The following CELF2 variants were observed in gnomAD, a reference collection of about 807,000 sequenced individuals.
CELF2 encodes the protein CUG triplet repeat RNA-binding protein 2.
A neutral mutation model predicts 62.6 loss-of-function variants in CELF2; 8 were observed. The observed-to-expected ratio is 0.13, with a 90% CI of 0.07 to 0.23. The LOEUF (loss-of-function observed/expected upper bound fraction) is 0.23. Among genes scored for constraint, CELF2 ranks in the 10% least tolerant of loss-of-function variants. CELF2 has a pLI of 1.00. For synonymous variants in CELF2, 258 were observed against 250.0 expected (o/e 1.03, Z -0.30); for missense variants, 333 against 671.0 (o/e 0.50, Z 5.56).
chr10:11,245,047 TC>T (rs924992883), intron 3 of CELF2, among the ~76,000 whole-genome samples: 3 of 152,250 alleles, frequency 2.0e-5, no homozygotes, highest in Non-Finnish European at 4.4e-5. Flanking sequence ...ATCCTCCTCT[TC>T]CCAGCATCTA....
rs56373613 is a variant in CELF2, at chr10:11,202,901, ATCTCTC to A, written c.272-14478_272-14473del. 9.6e-3 allele frequency among the ~76,000 whole-genome samples: 682 copies of A among 70,866 alleles called. 12 individuals are homozygous for A. The highest frequency in any genetic ancestry group is 0.072 in the East Asian group (128 of 1,776). The allele number at this position is 70,866 out of a possible 152,430, so 46.5% of individuals were successfully genotyped here. ...TGCCTGCCTTCCCACCCCCATCCTCATCTCTCTCTCTCTCTCTCTCTCTCTCTCTCT... is the reference window on the plus strand; with the variant it reads ...TGCCTGCCTTCCCACCCCCATCCTCATCTCTCTCTCTCTCTCTCTCTCTCT... On this transcript the variant is annotated intron_variant, in intron 2 of 12. Transcript: ENST00000633077.
intron 2 of CELF2, among the ~76,000 whole-genome samples, chr10:10,980,140 C>T (rs536057785): frequency 7.2e-5 from 11 of 152,266 alleles, no homozygotes; most frequent in African/African-American, 2.2e-4. Flanking sequence ...GAAAAATTGC[C>T]AGAGCTTTAA....
At chr10:11,128,199 G>T (rs1164656113) in intron 1 of CELF2, among the ~76,000 whole-genome samples, 1 of 152,082 alleles carries the variant, frequency 6.6e-6, no homozygotes, top group Non-Finnish European at 1.5e-5. Context: ...GTAGATGTGT[G>T]GTGTGATTTC....
the CELF2 span, among the ~76,000 whole-genome samples, chr10:10,649,583 C>T: frequency 2.0e-5 from 3 of 152,194 alleles, no homozygotes; most frequent in Non-Finnish European, 2.9e-5. Context: ...TAGACAACAG[C>T]TTAAATTCAC....
chr10:11,213,618 GTGAT>G (rs1264802872), intron 2 of CELF2, among the ~76,000 whole-genome samples: 2 of 152,204 alleles, frequency 1.3e-5, no homozygotes, highest in African/African-American at 4.8e-5. Context: ...AGCATATTAA[GTGAT>G]AGGTGGATAA....
At chr10:10,660,891 A>C in the CELF2 span, among the ~76,000 whole-genome samples, 4 of 152,216 alleles carry the variant, frequency 2.6e-5, no homozygotes, top group East Asian at 5.8e-4. Context: ...CTACAGAACG[A>C]ACACACAGGG....
At chr10:10,690,637 T>C in the CELF2 span, among the ~76,000 whole-genome samples, 1 of 152,140 alleles carries the variant, frequency 6.6e-6, no homozygotes, top group Non-Finnish European at 1.5e-5. Context: ...CTCAGCACTT[T>C]GGGAGGCTGA....
At chr10:11,182,580 G>T (rs1183095059) in intron 2 of CELF2, among the ~76,000 whole-genome samples, 1 of 152,028 alleles carries the variant, frequency 6.6e-6, no homozygotes, top group Non-Finnish European at 1.5e-5. Flanking sequence ...TTATTTTTGG[G>T]GATCAGAGAA....
the CELF2 span, among the ~76,000 whole-genome samples, chr10:10,575,645 C>G: frequency 6.6e-6 from 1 of 152,194 alleles, no homozygotes; most frequent in Admixed American, 6.5e-5. Flanking sequence ...GAATTGAAAG[C>G]TTAGCTTCCC....
chr10:11,051,370 A>G (rs189378156), intron 1 of CELF2, among the ~76,000 whole-genome samples: 1 of 152,224 alleles, frequency 6.6e-6, no homozygotes, highest in East Asian at 1.9e-4. Context: ...TTGATTATCC[A>G]CCTATGTATT....
intron 2 of CELF2, chr10:10,946,136 A>G (rs1224814695): frequency 6.6e-6 from 1 of 152,654 alleles, no homozygotes; most frequent in East Asian, 1.9e-4. Flanking sequence ...CTCTGCTGAA[A>G]ATGATGCCAT....
chr10:10,701,551 G>A, the CELF2 span, among the ~76,000 whole-genome samples: 5 of 152,142 alleles, frequency 3.3e-5, no homozygotes, highest in African/African-American at 9.7e-5. Context: ...CCAAATACCC[G>A]GGGCTCCAGG....
At chr10:10,624,267 C>A in the CELF2 span, among the ~76,000 whole-genome samples, 1 of 152,202 alleles carries the variant, frequency 6.6e-6, no homozygotes, top group East Asian at 1.9e-4. Context: ...TGCCAGAAAT[C>A]TGGTCTGTAT....
chr10:10,948,418 G>C (rs1458013679), intron 2 of CELF2: 1 of 152,158 alleles, frequency 6.6e-6, no homozygotes. Context: ...GGAAAGGTTT[G>C]GATGGTTTCT....
chr10:11,201,860 T>C (rs1251772767), intron 2 of CELF2, among the ~76,000 whole-genome samples: 1 of 152,218 alleles, frequency 6.6e-6, no homozygotes, highest in Non-Finnish European at 1.5e-5. Context: ...GAAATGCTAT[T>C]GTAAGAGGTG....
chr10:10,932,554 A>C (rs2066183974), intron 2 of CELF2, among the ~76,000 whole-genome samples: 1 of 152,226 alleles, frequency 6.6e-6, no homozygotes, highest in Non-Finnish European at 1.5e-5. Flanking sequence ...AATTAAACTA[A>C]TAAATTAGTT....
intron 1 of CELF2, among the ~76,000 whole-genome samples, chr10:10,917,212 C>T (rs1356583365): frequency 6.6e-6 from 1 of 152,150 alleles, no homozygotes; most frequent in Non-Finnish European, 1.5e-5. Flanking sequence ...CAAAGCAAAG[C>T]AGGTGCTCTT....
intron 9 of CELF2, among the ~76,000 whole-genome samples, chr10:11,291,764 A>G (rs553552723): frequency 6.6e-6 from 1 of 152,312 alleles, no homozygotes; most frequent in South Asian, 2.1e-4. Context: ...TTTATGCAAG[A>G]GGCAAATTGT....
intron 3 of CELF2, 58 bp from the exon 4 acceptor site, chr10:11,249,095 T>G: frequency 5.8e-6 from 8 of 1,373,130 alleles, no homozygotes; most frequent in Non-Finnish European, 8.3e-6. Context: ...TGCAGATTTC[T>G]GAGATGATTT....
Sources: allele counts gnomAD v4.1 joint callset (sites outside exome capture counted in the v4.1 genomes callset), GRCh38; gene constraint gnomAD v4.1.1; transcripts MANE v1.5; gene names NCBI Gene and HGNC (gene_info 2026-07-23, HGNC 2026-07-21).